RMDN2: variants seen among roughly 807,000 people sequenced by gnomAD.
RMDN2 encodes regulator of microtubule dynamics 2, also known as regulator of microtubule dynamics protein 2.
RMDN2 carries 61 observed loss-of-function variants against 52.8 expected under a neutral mutation model. That is an observed-to-expected ratio of 1.16 (90% CI 0.94 to 1.43). The LOEUF (loss-of-function observed/expected upper bound fraction) is 1.43, where lower values mean the gene tolerates loss of function less well. Ranked by LOEUF, RMDN2 falls within the 40% of genes most tolerant of loss-of-function variation. The pLI is 0.00. For missense variants in RMDN2, 592 were observed against 475.3 expected (o/e 1.25, Z -2.28); for synonymous variants, 180 against 153.1 (o/e 1.18, Z -1.30).
chr2:37,996,978 A>G (rs1260751645), intron 7 of RMDN2, among the ~76,000 whole-genome samples: 2 of 152,142 alleles, frequency 1.3e-5, no homozygotes, highest in Non-Finnish European at 2.9e-5. Flanking sequence ...AGTTGGCAGC[A>G]TGGAGTAGGC....
intron 2 of RMDN2, among the ~76,000 whole-genome samples, chr2:37,963,524 T>A (rs530804541): frequency 0.043 from 5,558 of 129,014 alleles, 298 homozygotes; most frequent in African/African-American, 0.14. Context: ...TGACTCTTAA[T>A]GAGCATGCTG....
At position 37,989,623 on chromosome 2, in the gene RMDN2, C is replaced by A; in HGVS notation, c.867+7C>A. The stretch of plus-strand genomic sequence containing the variant: ...CTATGGGCACCTCTTCAAGGTATTT[C>A]TTTTTTTTTTTTCATATTTCTTTTC... On this transcript the variant is annotated splice_region_variant and intron_variant, in intron 6 of 10. Coordinates refer to ENST00000354545, the MANE Select transcript of RMDN2 (RefSeq NM_001170791.3). The A allele has an allele frequency of 7.8e-7, 1 of 1,289,260 alleles. No homozygotes were observed. The highest frequency in any genetic ancestry group is 1.1e-6 in the Non-Finnish European group (1 of 949,330). The allele number at this position is 1,289,260 out of a possible 1,614,324, so 79.9% of individuals were successfully genotyped here. A position where few individuals can be genotyped will look rare whatever the true frequency, so the allele number is the denominator to read the frequency against.
chr2:37,991,327 T>C (rs1674761107), intron 7 of RMDN2, 30 bp downstream of exon 7: 1 of 1,117,756 alleles, frequency 8.9e-7, no homozygotes, highest in South Asian at 1.8e-5. Context: ...TTATAAACTT[T>C]ATTTGAATAT....
At chr2:38,033,574 T>G (rs1680365380) in intron 10 of RMDN2, among the ~76,000 whole-genome samples, 1 of 152,264 alleles carries the variant, frequency 6.6e-6, no homozygotes, top group Admixed American at 6.5e-5. Context: ...CTATATTTTT[T>G]GAATTGTTAT....
At chr2:37,992,513 C>A (rs1290127574) in intron 7 of RMDN2, among the ~76,000 whole-genome samples, 1 of 152,316 alleles carries the variant, frequency 6.6e-6, no homozygotes, top group East Asian at 1.9e-4. Context: ...CTTCCAACAA[C>A]TCACATGTTT....
chr2:38,017,438 A>C lies in RMDN2; in HGVS notation c.*199A>C. On this transcript the variant is annotated 3_prime_UTR_variant, in exon 11 of 11. Coordinates refer to ENST00000354545, the MANE Select transcript of RMDN2 (RefSeq NM_001170791.3). ...GTTATTTGGAGAATCTATATACTAT[A>C]ATGTCAATACATAATCTATAAACAT... 8.1e-7 allele frequency: 1 copy of C among 1,231,442 alleles called. No individual in the cohort carries two copies. The highest frequency in any genetic ancestry group is 1.8e-5 in the South Asian group (1 of 54,474). The allele number at this position is 1,231,442 out of a possible 1,614,324, so 76.3% of individuals were successfully genotyped here. A position where few individuals can be genotyped will look rare whatever the true frequency, so the allele number is the denominator to read the frequency against.
chr2:38,021,559 G>A (rs902552357), downstream of RMDN2, among the ~76,000 whole-genome samples: 11 of 151,948 alleles, frequency 7.2e-5, no homozygotes, highest in African/African-American at 2.4e-4. Flanking sequence ...GAACACATCC[G>A]AACATCAGAA....
chr2:37,938,543 A>AC, intron 2 of RMDN2, among the ~76,000 whole-genome samples: 1 of 152,198 alleles, frequency 6.6e-6, no homozygotes, highest in Non-Finnish European at 1.5e-5. Context: ...TATGGTTGGT[A>AC]GGCTATTAAG....
intron 2 of RMDN2, among the ~76,000 whole-genome samples, chr2:37,959,534 C>A (rs763236175): frequency 6.6e-6 from 1 of 150,714 alleles, no homozygotes; most frequent in East Asian, 1.9e-4. Context: ...CTATTTGATT[C>A]TTCTCTCTTT....
rs770780449 is a variant in RMDN2 at position 37,936,925 on chromosome 2, T to C, written c.452+7196T>C. Among the ~76,000 whole-genome samples the C allele has an allele frequency of 2.0e-5, 3 of 152,248 alleles. No homozygotes were observed. The East Asian group carries it at 5.8e-4, about 29-fold the overall frequency. ...AGATCCCATTTGTCAATTTTGGCTT[T>C]TGCTGCAATTGCTTTTGGTGTTTTA... On this transcript the variant is annotated intron_variant, in intron 2 of 10. Coordinates refer to ENST00000354545, the MANE Select transcript of RMDN2 (RefSeq NM_001170791.3).
At chr2:38,042,717 C>G (rs890127524) in intron 10 of RMDN2, among the ~76,000 whole-genome samples, 1 of 152,074 alleles carries the variant, frequency 6.6e-6, no homozygotes, top group African/African-American at 2.4e-5. Flanking sequence ...TTCATTTAAT[C>G]CAAAATATTT....
intron 2 of RMDN2, chr2:37,950,690 C>A: frequency 1.7e-6 from 2 of 1,173,378 alleles, no homozygotes; most frequent in Non-Finnish European, 2.5e-6. Flanking sequence ...CCCATAATAA[C>A]TGGATATCCT....
chr2:37,990,983 A>ATTT (rs907426896), intron 6 of RMDN2, among the ~76,000 whole-genome samples: 8 of 152,198 alleles, frequency 5.3e-5, no homozygotes, highest in African/African-American at 1.9e-4. Flanking sequence ...TTATAACAGT[A>ATTT]TTTTGGCTTT....
intron 10 of RMDN2, among the ~76,000 whole-genome samples, chr2:38,015,352 G>C (rs1678606506): frequency 6.6e-6 from 1 of 152,124 alleles, no homozygotes. Context: ...AGATCATTAG[G>C]TCAAGAGATC....
chr2:37,941,873 G>C (rs1197933665), intron 2 of RMDN2, among the ~76,000 whole-genome samples: 1 of 151,786 alleles, frequency 6.6e-6, no homozygotes, highest in Non-Finnish European at 1.5e-5. Flanking sequence ...TTTGCTCCCT[G>C]GCTTCAGCCC....
At chr2:37,993,738 G>A (rs1675129249) in intron 7 of RMDN2, among the ~76,000 whole-genome samples, 1 of 122,884 alleles carries the variant, frequency 8.1e-6, no homozygotes, top group Non-Finnish European at 1.6e-5. Flanking sequence ...AATATATCTG[G>A]GACTCCAAAA....
At chr2:38,056,486 A>C (rs1681860166) in intron 10 of RMDN2, among the ~76,000 whole-genome samples, 1 of 152,230 alleles carries the variant, frequency 6.6e-6, no homozygotes, top group South Asian at 2.1e-4. Flanking sequence ...GTTTTATCTT[A>C]GAATAGTATC....
chr2:37,934,212 A>G (rs1169626601), intron 2 of RMDN2, among the ~76,000 whole-genome samples: 1 of 152,256 alleles, frequency 6.6e-6, no homozygotes, highest in Non-Finnish European at 1.5e-5. Flanking sequence ...ATATCTAATT[A>G]TATCCTTAGT....
At chr2:38,009,579 C>T (rs1053171741) in intron 10 of RMDN2, among the ~76,000 whole-genome samples, 2 of 152,156 alleles carry the variant, frequency 1.3e-5, no homozygotes, top group Non-Finnish European at 2.9e-5. Flanking sequence ...TTAAGGAATT[C>T]TCTGCGTTGA....
Sources: allele counts gnomAD v4.1 joint callset (sites outside exome capture counted in the v4.1 genomes callset), GRCh38; gene constraint gnomAD v4.1.1; transcripts MANE v1.5; gene names NCBI Gene and HGNC (gene_info 2026-07-23, HGNC 2026-07-21).